ANKMY1: variants seen among roughly 807,000 people sequenced by gnomAD.
ANKMY1 encodes ankyrin repeat and MYND domain-containing protein 1.
ANKMY1 carries 98 observed loss-of-function variants against 102.0 expected under a neutral mutation model. The observed-to-expected ratio is 0.96, with a 90% CI of 0.82 to 1.14. The LOEUF is 1.14. Among genes scored for constraint, ANKMY1 ranks in the 50% most tolerant of loss-of-function variants. The pLI is 0.00. For missense variants in ANKMY1, 1,330 were observed against 1,347.6 expected, an observed-to-expected ratio of 0.99 and a Z score of 0.20; for synonymous variants, 582 against 559.9, an observed-to-expected ratio of 1.04 and a Z score of -0.56.
the ANKMY1 span, among the ~76,000 whole-genome samples, chr2:240,470,059 GAGAC>G: frequency 3.3e-5 from 5 of 152,200 alleles, no homozygotes; most frequent in Non-Finnish European, 1.5e-5. Context: ...CACTCACACA[GAGAC>G]AGACACACCC....
At chr2:240,481,767 G>A (rs2151837533) in intron 16 of ANKMY1, among the ~76,000 whole-genome samples, 1 of 152,288 alleles carries the variant, frequency 6.6e-6, no homozygotes, top group East Asian at 1.9e-4. Context: ...GGGCTAGGAA[G>A]GTGCAGGTGT....
At position 240,520,667 on chromosome 2, in the gene ANKMY1, C is replaced by T. The variant is rs2082046333; in HGVS notation, c.1833-134G>A. The T allele has an allele frequency of 9.2e-7, 1 of 1,088,094 alleles. No homozygotes were observed. The highest frequency in any genetic ancestry group is 1.3e-6 in the Non-Finnish European group (1 of 779,210). 67.4% of individuals were successfully genotyped at this position (1,088,094 alleles called of 1,614,324 possible). Reference sequence around the variant, plus strand: ...TGTGTGCCGCAACTACACAATCACACACACAGCACACACCCACACACGCAG... The same window carrying T: ...TGTGTGCCGCAACTACACAATCACATACACAGCACACACCCACACACGCAG... On this transcript the variant is annotated intron_variant, in intron 8 of 17. Coordinates refer to ENST00000401804, the MANE Select transcript of ANKMY1 (RefSeq NM_001282771.3). The surrounding 1 kb of genome is among the most constrained non-coding windows in gnomAD (Gnocchi z 4.8).
At chr2:240,477,004 A>C (rs1255597616), downstream of ANKMY1, among the ~76,000 whole-genome samples, 1 of 152,230 alleles carries the variant, frequency 6.6e-6, no homozygotes, top group Non-Finnish European at 1.5e-5. Context: ...CATCAGGAAG[A>C]GCAAACATCT....
rs769624958 is a variant in ANKMY1 at position 240,523,983 on chromosome 2, G to A, written c.1734C>T (p.Ser578=). 3.3e-5 allele frequency: 53 copies of A among 1,613,780 alleles called. No homozygotes were observed. In the Admixed American group the frequency reaches 3.3e-4, roughly 10 times the overall value. ...IELSQAMLER[S]AQSHSLLKMA... ...TCTTCAGCAAGCTGTGGGACTGGGCGCTTCTCTCCAGCATGGCCTGCGAGA... is the reference window on the plus strand; with the variant it reads ...TCTTCAGCAAGCTGTGGGACTGGGCACTTCTCTCCAGCATGGCCTGCGAGA... Residue 578 remains serine, a synonymous_variant, in exon 8 of 18, where the codon AGC becomes AGT. Transcript: ENST00000401804.
intron 15 of ANKMY1, among the ~76,000 whole-genome samples, chr2:240,486,740 C>A (rs2076103387): frequency 6.6e-6 from 1 of 152,160 alleles, no homozygotes; most frequent in South Asian, 2.1e-4. Context: ...TCTCAATCTC[C>A]TGGGCTCAAG....
intron 12 of ANKMY1, among the ~76,000 whole-genome samples, chr2:240,509,045 A>AATGGATGAGTGGAGGGTAG (rs2079605383): frequency 6.7e-6 from 1 of 149,794 alleles, no homozygotes; most frequent in Non-Finnish European, 1.5e-5. Context: ...AGGATGGATG[A>AATGGATGAGTGGAGGGTAG]ATGGATGAGT....
At position 240,511,882 on chromosome 2, in the gene ANKMY1, G is replaced by T. The variant is rs760469323; in HGVS notation, c.2265C>A (p.Cys755Ter). Residue 755 changes from cysteine to a stop codon, truncating the protein, a stop_gained, in exon 11 of 18, where the codon TGC (cysteine) becomes TGA (stop). Coordinates refer to ENST00000401804, the MANE Select transcript of ANKMY1 (RefSeq NM_001282771.3). LOFTEE classifies it high-confidence loss of function. Reference sequence around the variant, plus strand: ...TCACCTTGTTGTCATCCTCCCGCTCGCAGGCCATGTGCAGAGCCGTCCTGC... The same window carrying T: ...TCACCTTGTTGTCATCCTCCCGCTCTCAGGCCATGTGCAGAGCCGTCCTGC... ...EGGRTALHMA[C>*]EREDDNKCAR... The T allele has an allele frequency of 1.9e-6, 3 of 1,590,530 alleles. No individual in the cohort carries two copies. Among genetic ancestry groups the T allele is most frequent in the South Asian group, 2.2e-5 (2 of 90,542 alleles).
At chr2:240,469,612 G>C in the ANKMY1 span, among the ~76,000 whole-genome samples, 1 of 151,916 alleles carries the variant, frequency 6.6e-6, no homozygotes. Flanking sequence ...ATGGGTGTCT[G>C]CTCCACACGA....
intron 4 of ANKMY1, among the ~76,000 whole-genome samples, chr2:240,531,736 AGG>A: frequency 6.6e-6 from 1 of 152,318 alleles, no homozygotes; most frequent in East Asian, 1.9e-4. Flanking sequence ...GGGTGGAGGT[AGG>A]GGTTTACTAT....
chr2:240,534,483 T>C (rs1207435962), intron 4 of ANKMY1, among the ~76,000 whole-genome samples: 1 of 151,978 alleles, frequency 6.6e-6, no homozygotes, highest in Non-Finnish European at 1.5e-5. Context: ...ATGCCTGTAG[T>C]CCCAGCTCCT....
chr2:240,503,819 C>T lies in ANKMY1; in HGVS notation c.2527-3254G>A, dbSNP rs137957760. On this transcript the variant is annotated intron_variant, in intron 13 of 17. Transcript: ENST00000401804. ...TATTTGGACATAGGGTCGTTGCAGA[C>T]GATCAAAGTAACATGAGGTCCTTAG... is the stretch of plus-strand genomic sequence containing the variant. 3.4e-4 allele frequency among the ~76,000 whole-genome samples: 52 copies of T among 152,326 alleles called. No individual in the cohort carries two copies. The East Asian group carries it at 5.4e-3, about 16-fold the overall frequency.
In ANKMY1 at chr2:240,494,513, T is replaced by C. The variant is rs143863558; in HGVS notation, c.2806+5445A>G. Among the ~76,000 whole-genome samples the C allele has an allele frequency of 4.2e-3, 645 of 152,276 alleles. 5 individuals carry two copies. The highest frequency in any genetic ancestry group is 0.015 in the African/African-American group (622 of 41,548). The stretch of plus-strand genomic sequence containing the variant: ...CTAGCCCCTACTGTGGGAGCATACC[T>C]GGCTTGCTCCCCTGTCCCAGCAGTG... On this transcript the variant is annotated intron_variant, in intron 15 of 17. Coordinates refer to ENST00000401804, the MANE Select transcript of ANKMY1 (RefSeq NM_001282771.3).
chr2:240,529,358 G>A lies in ANKMY1; in HGVS notation c.632C>T (p.Ser211Phe). The change falls in exon 5 of 18, where the codon TCC becomes TTC. Residue 211 changes from serine to phenylalanine, a missense_variant. Coordinates refer to ENST00000401804, the MANE Select transcript of ANKMY1 (RefSeq NM_001282771.3). The surrounding 1 kb of genome is among the most constrained non-coding windows in gnomAD (Gnocchi z 4.2). ...GGCAGGGCTGTGGGTGATGAAGCTG[G>A]AGAACTCAGGGTATCTGAGGAGGGA... Reference protein sequence around the residue: ...GFSLLRYPEFSSFITHSPARI... With the variant: ...GFSLLRYPEFFSFITHSPARI... 1 of 1,614,194 alleles carries A rather than the reference G, an allele frequency of 6.2e-7. No homozygotes were observed. The highest frequency in any genetic ancestry group is 8.5e-7 in the Non-Finnish European group (1 of 1,180,026).
At position 240,500,025 on chromosome 2, in the gene ANKMY1, C is replaced by T. The variant is rs774765836; in HGVS notation, c.2739G>A (p.Gln913=). The change falls in exon 15 of 18, where the codon CAG becomes CAA. Residue 913 remains glutamine (Q), a synonymous_variant. Coordinates refer to ENST00000401804, the MANE Select transcript of ANKMY1 (RefSeq NM_001282771.3). The part of the protein sequence containing the change: ...RKRLLEYMGL[Q]LRQAVFAKES... ...CCTTGGCAAAGACAGCCTGCCGTAG[C>T]TGCAAGCCCATGTACTCCAGGAGCC... is the stretch of plus-strand genomic sequence containing the variant. 1.9e-6 allele frequency: 3 copies of T among 1,613,138 alleles called. No homozygotes were observed. The highest frequency in any genetic ancestry group is 2.5e-6 in the Non-Finnish European group (3 of 1,179,828).
At chr2:240,486,341 G>A (rs780909508) in intron 15 of ANKMY1, among the ~76,000 whole-genome samples, 4 of 151,858 alleles carry the variant, frequency 2.6e-5, no homozygotes, top group Non-Finnish European at 5.9e-5. Flanking sequence ...TAAATTCAAT[G>A]CATACATATA....
At chr2:240,537,145 CCCAGAGAG>C (rs2086985830) in intron 4 of ANKMY1, among the ~76,000 whole-genome samples, 2 of 152,198 alleles carry the variant, frequency 1.3e-5, no homozygotes, top group South Asian at 4.1e-4. Context: ...AGTGATGAGG[CCCAGAGAG>C]ACCAGCAAGA....
At chr2:240,557,542 G>A (rs2092510121) in intron 1 of ANKMY1, 190 bp from the exon 2 acceptor site, 6 of 544,556 alleles carry the variant, frequency 1.1e-5, no homozygotes, top group East Asian at 3.5e-5. Context: ...GAGACCTGTC[G>A]GAACCATGGG....
At chr2:240,516,239 G>A (rs2081189655) in intron 9 of ANKMY1, among the ~76,000 whole-genome samples, 1 of 151,566 alleles carries the variant, frequency 6.6e-6, no homozygotes, top group South Asian at 2.1e-4. Flanking sequence ...AATATCAAGT[G>A]TCTTTAACCT....
At chr2:240,484,645 A>G (rs2075831949) in intron 15 of ANKMY1, among the ~76,000 whole-genome samples, 1 of 152,228 alleles carries the variant, frequency 6.6e-6, no homozygotes, top group Non-Finnish European at 1.5e-5. Context: ...AGGCATAGGC[A>G]AAGACTTCAT....
Sources: gnomAD v4.1 joint callset for allele counts (sites outside exome capture counted in the v4.1 genomes callset) on GRCh38, gnomAD v4.1.1 for gene constraint, Gnocchi (gnomAD v3.1) non-coding constraint, MANE v1.5 for transcripts, NCBI Gene and HGNC (gene_info 2026-07-23, HGNC 2026-07-21) for gene names.